Variants in SPOCK3 observed in about 807,000 individuals in gnomAD.
SPOCK3 encodes the protein SPARC (osteonectin), cwcv and kazal like domains proteoglycan 3, also known as testican-3.
In SPOCK3, 30 loss-of-function variants were observed where a neutral mutation model predicts 56.6. The observed-to-expected ratio is 0.53, with a 90% CI of 0.40 to 0.72. SPOCK3 has a LOEUF of 0.72. SPOCK3 is among the 30% of genes least tolerant of loss of function. The pLI is 0.00. For missense variants in SPOCK3, 527 were observed against 530.0 expected, an observed-to-expected ratio of 0.99 and a Z score of 0.06; for synonymous variants, 196 against 183.3, an observed-to-expected ratio of 1.07 and a Z score of -0.56.
intron 5 of SPOCK3, among the ~76,000 whole-genome samples, chr4:166,889,619 G>A (rs1213881025): frequency 6.6e-6 from 1 of 151,782 alleles, no homozygotes; most frequent in African/African-American, 2.4e-5. Flanking sequence ...ATATAATCTC[G>A]GTTTTTGGTT....
chr4:167,058,662 T>C (rs1755196960), intron 3 of SPOCK3, among the ~76,000 whole-genome samples: 1 of 152,062 alleles, frequency 6.6e-6, no homozygotes, highest in Non-Finnish European at 1.5e-5. Flanking sequence ...TTAAAGTTCA[T>C]ATGGAACCAA....
At chr4:166,854,245 T>A (rs908042008) in intron 6 of SPOCK3, among the ~76,000 whole-genome samples, 1 of 152,218 alleles carries the variant, frequency 6.6e-6, no homozygotes, top group Admixed American at 6.5e-5. Flanking sequence ...AGATTCTTGA[T>A]GTGAGAGGAG....
At chr4:166,770,121 C>A (rs868252900) in intron 7 of SPOCK3, among the ~76,000 whole-genome samples, 1 of 152,170 alleles carries the variant, frequency 6.6e-6, no homozygotes, top group Non-Finnish European at 1.5e-5. Flanking sequence ...AATTCCCTGA[C>A]CCCTTGAGCT....
chr4:167,135,696 T>C (rs1282771578), intron 2 of SPOCK3, among the ~76,000 whole-genome samples: 1 of 151,442 alleles, frequency 6.6e-6, no homozygotes. Context: ...TGTGTGTGTG[T>C]GTGTGTGTGT....
At chr4:167,057,407 T>A in intron 3 of SPOCK3, among the ~76,000 whole-genome samples, 1 of 152,118 alleles carries the variant, frequency 6.6e-6, no homozygotes, top group East Asian at 1.9e-4. Context: ...GCTAACTTCA[T>A]AATGACAGGA....
At chr4:167,132,605 G>C (rs1374832606) in intron 2 of SPOCK3, among the ~76,000 whole-genome samples, 1 of 152,116 alleles carries the variant, frequency 6.6e-6, no homozygotes, top group East Asian at 1.9e-4. Context: ...ATTACCAAAG[G>C]CTAGGTGGCT....
intron 4 of SPOCK3, among the ~76,000 whole-genome samples, chr4:166,974,594 T>C (rs1313974811): frequency 3.3e-5 from 5 of 152,158 alleles, no homozygotes; most frequent in Admixed American, 2.6e-4. Flanking sequence ...TCTCTATATG[T>C]GTGTATACTC....
chr4:167,197,910 G>A (rs544826102), intron 2 of SPOCK3, among the ~76,000 whole-genome samples: 11 of 152,108 alleles, frequency 7.2e-5, no homozygotes, highest in Admixed American at 2.0e-4. Context: ...CATTCTCTCC[G>A]ATTCCAAAAG....
chr4:166,992,204 G>C (rs1442930072), intron 4 of SPOCK3, among the ~76,000 whole-genome samples: 2 of 151,930 alleles, frequency 1.3e-5, no homozygotes, highest in Non-Finnish European at 2.9e-5. Flanking sequence ...ATAATTCCTG[G>C]AAGTGTAGGA....
chr4:167,117,749 G>T (rs897832526), intron 2 of SPOCK3, among the ~76,000 whole-genome samples: 7 of 152,148 alleles, frequency 4.6e-5, no homozygotes. Flanking sequence ...CTGATGGTTA[G>T]GCTGCAAGGA....
intron 6 of SPOCK3, among the ~76,000 whole-genome samples, chr4:166,815,724 A>G (rs1376734158): frequency 1.3e-5 from 2 of 152,038 alleles, no homozygotes; most frequent in African/African-American, 4.8e-5. Flanking sequence ...TACATGAGCT[A>G]TGATGGTGCC....
In SPOCK3 at chr4:166,876,191, C is replaced by G. The variant is rs932474632; in HGVS notation, c.589+12939G>C. Among the ~76,000 whole-genome samples the G allele has an allele frequency of 6.4e-4, 98 of 152,306 alleles. 1 individual carries two copies. The highest frequency in any genetic ancestry group is 2.3e-3 in the African/African-American group (96 of 41,570). ...TAGCCTAATTCAATAACTCCACCCA[C>G]TCACTTGAAGGGAAACATTATTCCA... On this transcript the variant is annotated intron_variant, in intron 6 of 10. Coordinates refer to ENST00000357545, the MANE Select transcript of SPOCK3 (RefSeq NM_001040159.2).
chr4:166,747,097 C>T (rs1735727791), intron 8 of SPOCK3, among the ~76,000 whole-genome samples: 1 of 151,882 alleles, frequency 6.6e-6, no homozygotes, highest in African/African-American at 2.4e-5. Context: ...CTATTCCAAT[C>T]AATAGAAAAA....
chr4:167,089,803 T>A (rs1205748380), intron 2 of SPOCK3, among the ~76,000 whole-genome samples: 1 of 152,160 alleles, frequency 6.6e-6, no homozygotes, highest in Non-Finnish European at 1.5e-5. Flanking sequence ...AAATCCTCTA[T>A]CTTCAGGCCT....
chr4:167,083,809 A>G, intron 2 of SPOCK3, among the ~76,000 whole-genome samples: 1 of 152,160 alleles, frequency 6.6e-6, no homozygotes, highest in East Asian at 1.9e-4. Flanking sequence ...ATCAGTTATA[A>G]CACTGAAGTC....
At chr4:167,087,854 G>C (rs1758340438) in intron 2 of SPOCK3, among the ~76,000 whole-genome samples, 1 of 152,120 alleles carries the variant, frequency 6.6e-6, no homozygotes, top group Non-Finnish European at 1.5e-5. Context: ...CTAAATAAAA[G>C]CCTTCTGCCT....
chr4:166,838,111 T>C (rs1297956832), intron 6 of SPOCK3, among the ~76,000 whole-genome samples: 1 of 152,226 alleles, frequency 6.6e-6, no homozygotes, highest in African/African-American at 2.4e-5. Flanking sequence ...TCTTCATCTT[T>C]AGTTTTGCAG....
chr4:167,086,413 T>C (rs1758199191), intron 2 of SPOCK3, among the ~76,000 whole-genome samples: 1 of 151,980 alleles, frequency 6.6e-6, no homozygotes. Context: ...ATAGTGGAAG[T>C]TCAGATAGAT....
chr4:166,815,844 G>A (rs1289069384), intron 6 of SPOCK3, among the ~76,000 whole-genome samples: 4 of 151,924 alleles, frequency 2.6e-5, no homozygotes, highest in Admixed American at 2.0e-4. Flanking sequence ...ACCCTAAGAG[G>A]CATTATCACT....
Sources: allele counts gnomAD v4.1 joint callset (sites outside exome capture counted in the v4.1 genomes callset), GRCh38; gene constraint gnomAD v4.1.1; transcripts MANE v1.5; gene names NCBI Gene and HGNC (gene_info 2026-07-23, HGNC 2026-07-21).